NUB1: variants seen among roughly 807,000 people sequenced by gnomAD.
The protein encoded by NUB1 is negative regulator of ubiquitin like proteins 1.
A neutral mutation model predicts 77.1 loss-of-function variants in NUB1; 41 were observed. The observed-to-expected ratio is 0.53, with a 90% CI of 0.41 to 0.69. The LOEUF is 0.69. NUB1 is among the 30% of genes least tolerant of loss of function. The pLI, the probability that NUB1 is intolerant of heterozygous loss-of-function variation, is 0.00. For synonymous variants in NUB1, 257 were observed against 281.0 expected (o/e 0.91, Z 0.85); for missense variants, 643 against 743.8 (o/e 0.86, Z 1.58).
chr7:151,362,844 G>A (rs533201049), intron 8 of NUB1, among the ~76,000 whole-genome samples: 2 of 152,356 alleles, frequency 1.3e-5, no homozygotes, highest in African/African-American at 4.8e-5. Flanking sequence ...AAGAAGCAGG[G>A]AATAATCCTC....
intron 8 of NUB1, among the ~76,000 whole-genome samples, chr7:151,364,481 A>T (rs62490279): frequency 6.6e-6 from 1 of 151,522 alleles, no homozygotes; most frequent in African/African-American, 2.4e-5. Context: ...AAACATAATA[A>T]ATTTCTGTTA....
In NUB1 at chr7:151,356,184, A is replaced by G; in HGVS notation, c.655A>G (p.Thr219Ala). 6.2e-7 allele frequency: 1 copy of G among 1,613,878 alleles called. No individual in the cohort carries two copies. The highest frequency in any genetic ancestry group is 8.5e-7 in the Non-Finnish European group (1 of 1,179,740). The change falls in exon 7 of 15, where the codon ACA becomes GCA. Residue 219 changes from threonine (T) to alanine (A), a missense_variant. Transcript: ENST00000568733. ...ACCGTACTTAGACATAGCTAACCAG[A>G]CAGGCAGATCAATCAGAATTCCCCC... ...MTPYLDIANQ[T>A]GRSIRIPPSE...
At chr7:151,357,521 A>G (rs948147580) in intron 7 of NUB1, among the ~76,000 whole-genome samples, 5 of 152,224 alleles carry the variant, frequency 3.3e-5, no homozygotes, top group Non-Finnish European at 7.3e-5. Context: ...ACTATGGGTC[A>G]AATTAATTTT....
chr7:151,344,782 T>C (rs1184835579), intron 1 of NUB1, among the ~76,000 whole-genome samples: 1 of 152,062 alleles, frequency 6.6e-6, no homozygotes, highest in Non-Finnish European at 1.5e-5. Context: ...GGTGGATCAC[T>C]TGAGGTCAGG....
At chr7:151,348,265 T>A (rs1796599521) in intron 2 of NUB1, among the ~76,000 whole-genome samples, 1 of 152,140 alleles carries the variant, frequency 6.6e-6, no homozygotes, top group Non-Finnish European at 1.5e-5. Context: ...ATTCTAAAGC[T>A]CTCCCTTACA....
rs186133501 is a variant in NUB1 at position 151,350,562 on chromosome 7, G to C, written c.286-862G>C. Among the ~76,000 whole-genome samples, 25 of 152,292 alleles carry C rather than the reference G, an allele frequency of 1.6e-4. No individual in the cohort carries two copies. The East Asian group carries it at 4.2e-3, about 26-fold the overall frequency. ...TCAGCTCCTATCTCTGTGTGGCCTG[G>C]TTTTTCCTAGGTTATAATTGTAGAA... On this transcript the variant is annotated intron_variant, in intron 3 of 14. Transcript: ENST00000568733.
chr7:151,368,063 A>G (rs773136010), intron 10 of NUB1, 95 bp downstream of exon 10: 1 of 708,376 alleles, frequency 1.4e-6, no homozygotes, highest in Non-Finnish European at 2.4e-6. Flanking sequence ...GACTTGTGAG[A>G]AACATGCCTG....
At position 151,368,517 on chromosome 7, in the gene NUB1, A is replaced by AC. The variant is rs149041581; in HGVS notation, c.1096-216dup. On this transcript the variant is annotated intron_variant, in intron 10 of 14. Coordinates refer to ENST00000568733, the MANE Select transcript of NUB1 (RefSeq NM_001243351.2). The stretch of plus-strand genomic sequence containing the variant: ...TCACTTCTGCAACACCCAGCCTCTT[A>AC]CCTCGTGTTGTGCTGTGGCTAAGTT... 2.9e-3 allele frequency among the ~76,000 whole-genome samples: 449 copies of AC among 152,260 alleles called. 3 individuals are homozygous for AC. Among genetic ancestry groups the AC allele is most frequent in the African/African-American group, 0.01 (424 of 41,546 alleles).
At chr7:151,369,867 A>C (rs1271077096) in intron 11 of NUB1, among the ~76,000 whole-genome samples, 7 of 152,172 alleles carry the variant, frequency 4.6e-5, no homozygotes, top group Non-Finnish European at 1.0e-4. Flanking sequence ...AAGCAGCCTC[A>C]GGGGTATTTG....
At chr7:151,376,279 C>G (rs188475347) in intron 13 of NUB1, 60 of 466,892 alleles carry the variant, frequency 1.3e-4, no homozygotes, top group African/African-American at 1.1e-3. Context: ...GCTTTGTATC[C>G]CAAGTGACGG....
intron 1 of NUB1, 131 bp from the exon 2 acceptor site, chr7:151,345,217 C>A (rs1796447950): frequency 3.5e-6 from 2 of 571,622 alleles, no homozygotes; most frequent in Non-Finnish European, 6.3e-6. Flanking sequence ...TCATTTAAAC[C>A]ATAGTAATTT....
chr7:151,376,057 C>T, intron 13 of NUB1, 114 bp downstream of exon 13: 1 of 738,848 alleles, frequency 1.4e-6, no homozygotes, highest in African/African-American at 1.7e-5. Flanking sequence ...AACCTTGGCT[C>T]CCAGGCTCCA....
chr7:151,376,478 C>T, intron 13 of NUB1, 156 bp from the exon 14 acceptor site: 1 of 724,336 alleles, frequency 1.4e-6, no homozygotes, highest in Non-Finnish European at 2.2e-6. Context: ...TTGCTCTACG[C>T]TCACATTGCA....
chr7:151,347,210 G>C (rs889555477), intron 2 of NUB1, among the ~76,000 whole-genome samples: 7 of 152,024 alleles, frequency 4.6e-5, no homozygotes, highest in Admixed American at 4.6e-4. Context: ...CGTTAACATA[G>C]GTATATTCTT....
In NUB1 at chr7:151,356,270, G is replaced by A. The variant is rs780856549; in HGVS notation, c.693+48G>A. ...GGCCTGTTCTTAGATTTGTTGTCAG[G>A]GCAGAGGTGGTTTTTTAGTTGCTTT... On this transcript the variant is annotated intron_variant, in intron 7 of 14. Coordinates refer to ENST00000568733, the MANE Select transcript of NUB1 (RefSeq NM_001243351.2). 3.6e-6 allele frequency: 5 copies of A among 1,391,390 alleles called. No individual in the cohort carries two copies. The African/African-American group carries it at 7.1e-5, about 20-fold the overall frequency. The allele number at this position is 1,391,390 out of a possible 1,614,324, so 86.2% of individuals were successfully genotyped here.
intron 8 of NUB1, among the ~76,000 whole-genome samples, chr7:151,365,890 CTT>C (rs11414801): frequency 4.0e-5 from 6 of 149,814 alleles, no homozygotes; most frequent in African/African-American, 7.3e-5. Context: ...AATTAAAGTC[CTT>C]TTTTTTTTAT....
intron 9 of NUB1, among the ~76,000 whole-genome samples, chr7:151,367,633 G>A (rs1183261908): frequency 6.6e-6 from 1 of 152,164 alleles, no homozygotes; most frequent in East Asian, 1.9e-4. Flanking sequence ...ATGTCTGGAG[G>A]CTGGTGCCCT....
At chr7:151,376,298 A>G in intron 13 of NUB1, 1 of 475,342 alleles carries the variant, frequency 2.1e-6, no homozygotes, top group South Asian at 2.4e-5. Flanking sequence ...GGCTCTGTCC[A>G]CATTTGTGCC....
At chr7:151,368,123 G>C (rs1315934580) in intron 10 of NUB1, among the ~76,000 whole-genome samples, 155 bp downstream of exon 10, 2 of 152,204 alleles carry the variant, frequency 1.3e-5, no homozygotes, top group African/African-American at 4.8e-5. Context: ...ATTTGTATAT[G>C]TTAGAGTACA....
Sources: gnomAD v4.1 joint callset for allele counts (sites outside exome capture counted in the v4.1 genomes callset) on GRCh38, gnomAD v4.1.1 for gene constraint, MANE v1.5 for transcripts, NCBI Gene and HGNC (gene_info 2026-07-23, HGNC 2026-07-21) for gene names.